NPAS2: variants seen among roughly 807,000 people sequenced by gnomAD.
The protein encoded by NPAS2 is neuronal PAS domain-containing protein 2.
Under a neutral mutation model 107.5 loss-of-function variants are expected in NPAS2, and 23 were observed. The observed-to-expected ratio is 0.21, with a 90% CI of 0.15 to 0.30. The LOEUF is 0.30. NPAS2 is among the 10% of genes least tolerant of loss of function. The pLI is 1.00. For missense variants in NPAS2, 756 were observed against 1,043.3 expected (o/e 0.72, Z 3.79); for synonymous variants, 403 against 417.5 (o/e 0.97, Z 0.42).
chr2:100,953,529 C>G (rs1164998013), intron 7 of NPAS2, among the ~76,000 whole-genome samples: 1 of 152,014 alleles, frequency 6.6e-6, no homozygotes, highest in Admixed American at 6.5e-5. Flanking sequence ...AAAAAGCTCA[C>G]CCTAGGAGTG....
chr2:100,967,414 G>C (rs1180864629), intron 10 of NPAS2, among the ~76,000 whole-genome samples: 1 of 151,736 alleles, frequency 6.6e-6, no homozygotes, highest in Non-Finnish European at 1.5e-5. Flanking sequence ...TTTTAGTAGA[G>C]ATGGGGTCTC....
chr2:100,828,193 G>A (rs1271966045), intron 1 of NPAS2, among the ~76,000 whole-genome samples: 1 of 151,720 alleles, frequency 6.6e-6, no homozygotes, highest in African/African-American at 2.4e-5. Context: ...TTTCATGTTT[G>A]TATGTCTTCT....
At chr2:100,930,173 G>A (rs1169639133) in intron 3 of NPAS2, among the ~76,000 whole-genome samples, 1 of 152,176 alleles carries the variant, frequency 6.6e-6, no homozygotes, top group African/African-American at 2.4e-5. Context: ...TCCTGAGTGA[G>A]TCTAAATGAA....
At chr2:100,972,016 C>T (rs1216566067) in intron 12 of NPAS2, among the ~76,000 whole-genome samples, 4 of 150,558 alleles carry the variant, frequency 2.7e-5, no homozygotes, top group Non-Finnish European at 4.4e-5. Context: ...ATCTCGATCT[C>T]GGCTCACTGC....
At chr2:100,884,002 G>T (rs1041680662) in intron 1 of NPAS2, among the ~76,000 whole-genome samples, 1 of 152,174 alleles carries the variant, frequency 6.6e-6, no homozygotes, top group Non-Finnish European at 1.5e-5. Context: ...AGCAGCTCTT[G>T]CTTCCGTGGG....
Position 100,976,389 on chromosome 2 carries a change from G to C in NPAS2, c.1392+822G>C, listed in dbSNP as rs1228488601. Among the ~76,000 whole-genome samples the C allele has an allele frequency of 6.6e-6, 1 of 152,086 alleles. No homozygotes were observed. The highest frequency in any genetic ancestry group is 1.5e-5 in the Non-Finnish European group (1 of 68,018). On this transcript the variant is annotated intron_variant, in intron 14 of 20. Coordinates refer to ENST00000335681, the MANE Select transcript of NPAS2 (RefSeq NM_002518.4). This position sits in a 1 kb window ranked among gnomAD's most constrained non-coding sequence, Gnocchi z 4.1. ...CCAAGAGGAGACACCTGGAGACGCA[G>C]GCAGGAACCATGCAGACCTCTGTGA...
chr2:100,853,974 C>CAAA (rs5832937), intron 1 of NPAS2, among the ~76,000 whole-genome samples: 1 of 116,280 alleles, frequency 8.6e-6, no homozygotes, highest in Admixed American at 9.0e-5. Flanking sequence ...CAGCCCACGA[C>CAAA]AAAAAAAAAA....
chr2:100,958,416 G>A (rs900363701), intron 7 of NPAS2, among the ~76,000 whole-genome samples: 1 of 152,216 alleles, frequency 6.6e-6, no homozygotes, highest in African/African-American at 2.4e-5. Flanking sequence ...GAATGGAGAC[G>A]CGAGTGTGGA....
chr2:100,933,698 T>G (rs910709846), intron 4 of NPAS2, among the ~76,000 whole-genome samples: 1 of 152,318 alleles, frequency 6.6e-6, no homozygotes. Context: ...AGCATAAGCC[T>G]CTACAGAAAC....
At position 100,995,953 on chromosome 2, in the gene NPAS2, G is replaced by T; in HGVS notation, c.*371G>T. 2 of 1,353,954 alleles carry T rather than the reference G, an allele frequency of 1.5e-6. No individual in the cohort carries two copies. Among genetic ancestry groups the T allele is most frequent in the Non-Finnish European group, 1.9e-6 (2 of 1,031,312 alleles). The allele number at this position is 1,353,954 out of a possible 1,614,324, so 83.9% of individuals were successfully genotyped here. On this transcript the variant is annotated 3_prime_UTR_variant, in exon 21 of 21. Coordinates refer to ENST00000335681, the MANE Select transcript of NPAS2 (RefSeq NM_002518.4). ...TGCGGCCCGCCCATCTGCGCTAGCTGGCCTTCACGCTCTTGATCGTCTTTC... is the reference window on the plus strand; with the variant it reads ...TGCGGCCCGCCCATCTGCGCTAGCTTGCCTTCACGCTCTTGATCGTCTTTC...
At chr2:100,834,120 C>G in intron 1 of NPAS2, among the ~76,000 whole-genome samples, 1 of 152,048 alleles carries the variant, frequency 6.6e-6, no homozygotes, top group East Asian at 2.0e-4. Flanking sequence ...CCAGCCGACC[C>G]CTTCCTGGTG....
In NPAS2 at chr2:100,829,691, A is replaced by G. The variant is rs570153952; in HGVS notation, c.-23+9277A>G. Among the ~76,000 whole-genome samples the G allele has an allele frequency of 1.2e-3, 177 of 152,238 alleles. 1 individual carries two copies. Among genetic ancestry groups the G allele is most frequent in the Non-Finnish European group, 2.0e-3 (138 of 68,012 alleles). Reference sequence around the variant, plus strand: ...TACTCTGACTAGCACTTCCAGTACTATGTTGAATAGAAGTGGTGAGAGTGG... The same window carrying G: ...TACTCTGACTAGCACTTCCAGTACTGTGTTGAATAGAAGTGGTGAGAGTGG... On this transcript the variant is annotated intron_variant, in intron 1 of 20. Coordinates refer to ENST00000335681, the MANE Select transcript of NPAS2 (RefSeq NM_002518.4).
At chr2:100,821,424 A>G (rs913662410) in intron 1 of NPAS2, among the ~76,000 whole-genome samples, 1 of 152,034 alleles carries the variant, frequency 6.6e-6, no homozygotes, top group African/African-American at 2.4e-5. Flanking sequence ...TTGCTTTGGC[A>G]TCCACCCCAA....
At chr2:100,987,668 C>T (rs560262955) in intron 16 of NPAS2, 24 of 186,248 alleles carry the variant, frequency 1.3e-4, no homozygotes, top group Non-Finnish European at 2.7e-4. Context: ...CATCCCTCTG[C>T]CCCTATATCA....
At chr2:100,823,494 A>G (rs1010192533) in intron 1 of NPAS2, 1 of 152,068 alleles carries the variant, frequency 6.6e-6, no homozygotes. Context: ...GTATAAGGAG[A>G]TGGAGGATGC....
At position 100,976,634 on chromosome 2, in the gene NPAS2, C is replaced by T. The variant is rs1191052916; in HGVS notation, c.1392+1067C>T. On this transcript the variant is annotated intron_variant, in intron 14 of 20. Transcript: ENST00000335681. The surrounding 1 kb of genome is among the most constrained non-coding windows in gnomAD (Gnocchi z 4.1). ...CGTGCCACCTTCCTGCTTGCTGTCTCCATAAAGGCTGTGCACACCCTGCTT... is the reference window on the plus strand; with the variant it reads ...CGTGCCACCTTCCTGCTTGCTGTCTTCATAAAGGCTGTGCACACCCTGCTT... 1 of 152,172 alleles carries T rather than the reference C, an allele frequency of 6.6e-6. No individual in the cohort carries two copies. Among genetic ancestry groups the T allele is most frequent in the East Asian group, 1.9e-4 (1 of 5,170 alleles). 9.4% of individuals were successfully genotyped at this position (152,172 alleles called of 1,614,324 possible).
chr2:100,921,110 A>G (rs1039068589), intron 2 of NPAS2, among the ~76,000 whole-genome samples: 12 of 152,244 alleles, frequency 7.9e-5, no homozygotes, highest in Admixed American at 3.9e-4. Flanking sequence ...CCGTAGGTCC[A>G]TAACAGATCC....
rs576486594 is a variant in NPAS2, at chr2:100,888,882, G to T, written c.-22-15851G>T. On this transcript the variant is annotated intron_variant, in intron 1 of 20. Coordinates refer to ENST00000335681, the MANE Select transcript of NPAS2 (RefSeq NM_002518.4). ...GAGCTTTGGAGGAGGAATCGGGCCA[G>T]TGGGTGAATTATGCCTTAACTGGGG... Among the ~76,000 whole-genome samples, 3 of 152,294 alleles carry T rather than the reference G, an allele frequency of 2.0e-5. No homozygotes were observed. The East Asian group carries it at 5.8e-4, about 29-fold the overall frequency.
At chr2:100,831,306 TAAATA>T (rs930310453) in intron 1 of NPAS2, among the ~76,000 whole-genome samples, 1 of 151,910 alleles carries the variant, frequency 6.6e-6, no homozygotes, top group East Asian at 1.9e-4. Context: ...AAAAAATAAA[TAAATA>T]AAAATAAAAA....
Sources: allele counts gnomAD v4.1 joint callset (sites outside exome capture counted in the v4.1 genomes callset), GRCh38; gene constraint gnomAD v4.1.1; non-coding constraint Gnocchi (gnomAD v3.1); transcripts MANE v1.5; gene names NCBI Gene and HGNC (gene_info 2026-07-23, HGNC 2026-07-21).